CNTNAP3B: variants seen among roughly 807,000 people sequenced by gnomAD.
The protein encoded by CNTNAP3B is contactin associated protein family member 3B, also known as contactin-associated protein-like 3B.
Under a neutral mutation model 108.9 loss-of-function variants are expected in CNTNAP3B, and 25 were observed. That is an observed-to-expected ratio of 0.23 (90% CI 0.17 to 0.32). The LOEUF is 0.32. CNTNAP3B is among the 10% of genes least tolerant of loss of function. The pLI is 1.00. For synonymous variants in CNTNAP3B, 103 were observed against 473.4 expected (o/e 0.22, Z 10.16); for missense variants, 252 against 1,210.4 (o/e 0.21, Z 11.75).
intron 1 of CNTNAP3B, among the ~76,000 whole-genome samples, chr9:42,123,634 C>G (rs560452638): frequency 0.011 from 1,472 of 134,578 alleles, 216 homozygotes; most frequent in Non-Finnish European, 0.017. Context: ...AAGTCCAAGC[C>G]TTCTAAAAGA....
intron 9 of CNTNAP3B, among the ~76,000 whole-genome samples, chr9:41,972,520 C>G (rs62556377): frequency 0.015 from 2,077 of 138,220 alleles, 335 homozygotes; most frequent in East Asian, 0.06. Flanking sequence ...ATAACTGAAG[C>G]TTTATCTCTT....
chr9:41,941,297 A>G (rs1456678612), intron 13 of CNTNAP3B, among the ~76,000 whole-genome samples: 1 of 147,866 alleles, frequency 6.8e-6, no homozygotes, highest in Non-Finnish European at 1.5e-5. Context: ...ACACAACGAG[A>G]AATTTATAAG....
intron 1 of CNTNAP3B, among the ~76,000 whole-genome samples, chr9:42,108,117 C>G (rs1283746557): frequency 3.6e-5 from 5 of 139,144 alleles, no homozygotes; most frequent in Non-Finnish European, 7.7e-5. Context: ...GAATTGTACA[C>G]TACTGAGTCA....
At chr9:42,103,182 A>T (rs1300675933) in intron 2 of CNTNAP3B, among the ~76,000 whole-genome samples, 3 of 137,032 alleles carry the variant, frequency 2.2e-5, no homozygotes, top group African/African-American at 6.1e-5. Context: ...AGTGATAATG[A>T]CCATCCACTG....
chr9:41,934,140 T>TATAC (rs1824076436), intron 14 of CNTNAP3B, among the ~76,000 whole-genome samples: 2 of 113,372 alleles, frequency 1.8e-5, no homozygotes, highest in Non-Finnish European at 3.8e-5. Context: ...CATATATATA[T>TATAC]ACACACACAT....
chr9:41,918,554 A>G (rs1588038145), intron 18 of CNTNAP3B, among the ~76,000 whole-genome samples: 1 of 143,984 alleles, frequency 6.9e-6, no homozygotes, highest in South Asian at 2.2e-4. Flanking sequence ...TTCCATTTCC[A>G]TAAAATATAA....
rs114403113 is a variant in CNTNAP3B at position 42,035,342 on chromosome 9, A to G, written c.391-21817T>C. ...TCCTATGATTCAATTTTCAGATCAG[A>G]TGCCACCTTTCAATATGGCCTGCTC... On this transcript the variant is annotated intron_variant, in intron 3 of 23. Transcript: ENST00000377561. Among the ~76,000 whole-genome samples the G allele has an allele frequency of 8.2e-4, 120 of 146,602 alleles. 2 individuals are homozygous for G. The highest frequency in any genetic ancestry group is 2.9e-3 in the African/African-American group (113 of 38,802).
intron 1 of CNTNAP3B, among the ~76,000 whole-genome samples, chr9:42,116,779 T>C (rs1373504040): frequency 3.6e-5 from 5 of 138,680 alleles, no homozygotes; most frequent in East Asian, 2.2e-4. Flanking sequence ...CAGCAGACCC[T>C]GCTCACGTGC....
At position 42,069,725 on chromosome 9, in the gene CNTNAP3B, G is replaced by T. The variant is rs984125759; in HGVS notation, c.390+7144C>A. On this transcript the variant is annotated intron_variant, in intron 3 of 23. Transcript: ENST00000377561. ...TTCTTCTTTTTTCTCTACACTTTGC[G>T]TTTCAGATGGATTTTATATCTATAC... Among the ~76,000 whole-genome samples the T allele has an allele frequency of 1.4e-3, 182 of 128,810 alleles. 2 individuals are homozygous for T. The highest frequency in any genetic ancestry group is 5.3e-3 in the African/African-American group (167 of 31,218). 84.5% of individuals were successfully genotyped at this position (128,810 alleles called of 152,430 possible).
At chr9:41,959,819 T>G (rs1209260734) in intron 12 of CNTNAP3B, among the ~76,000 whole-genome samples, 1 of 152,308 alleles carries the variant, frequency 6.6e-6, no homozygotes, top group Non-Finnish European at 1.5e-5. Context: ...TTGTCCAAAT[T>G]TATGAAACTT....
At chr9:42,074,175 G>GT (rs1221202710) in intron 3 of CNTNAP3B, among the ~76,000 whole-genome samples, 4 of 77,728 alleles carry the variant, frequency 5.1e-5, no homozygotes, top group African/African-American at 1.6e-4. Flanking sequence ...AAAAGTAAAA[G>GT]TTTTTTTTAA....
chr9:41,968,922 G>C (rs1350551104), intron 10 of CNTNAP3B, among the ~76,000 whole-genome samples: 4 of 151,962 alleles, frequency 2.6e-5, no homozygotes, highest in Admixed American at 6.6e-5. Context: ...TCAGCCTGCC[G>C]AGTAGCTGGA....
chr9:41,921,829 T>C (rs1428606219), intron 17 of CNTNAP3B, among the ~76,000 whole-genome samples: 2 of 149,980 alleles, frequency 1.3e-5, no homozygotes, highest in African/African-American at 2.5e-5. Context: ...GGGAGTGGGC[T>C]CCTGGAAGCC....
intron 3 of CNTNAP3B, among the ~76,000 whole-genome samples, chr9:42,020,497 T>C (rs1402021634): frequency 6.9e-6 from 1 of 144,082 alleles, no homozygotes; most frequent in South Asian, 2.2e-4. Context: ...TAATTATAAA[T>C]CTTTGTGCTT....
At chr9:41,931,574 T>G in intron 14 of CNTNAP3B, among the ~76,000 whole-genome samples, 1 of 151,640 alleles carries the variant, frequency 6.6e-6, no homozygotes, top group South Asian at 2.1e-4. Context: ...AGCTTATTTC[T>G]AAAATTCAGA....
intron 3 of CNTNAP3B, among the ~76,000 whole-genome samples, chr9:42,037,493 C>A (rs1826657086): frequency 1.5e-5 from 2 of 129,108 alleles, no homozygotes; most frequent in South Asian, 5.1e-4. Context: ...GTACGAGCTT[C>A]AGTAGCTGAT....
intron 11 of CNTNAP3B, among the ~76,000 whole-genome samples, chr9:41,961,842 T>C (rs1825101451): frequency 6.6e-6 from 1 of 152,302 alleles, no homozygotes; most frequent in African/African-American, 2.4e-5. Context: ...CAAGTAAATG[T>C]TTTACCAAGT....
chr9:42,119,959 G>T (rs1169703921), intron 1 of CNTNAP3B, among the ~76,000 whole-genome samples: 1 of 141,236 alleles, frequency 7.1e-6, no homozygotes, highest in Non-Finnish European at 1.5e-5. Context: ...GGCAACAAAA[G>T]CCAAAATTGA....
intron 9 of CNTNAP3B, among the ~76,000 whole-genome samples, chr9:41,977,397 T>A (rs1206859794): frequency 7.1e-6 from 1 of 141,554 alleles, no homozygotes; most frequent in Non-Finnish European, 1.5e-5. Context: ...CTTATTTGTT[T>A]TTTGTTATAA....
Sources: gnomAD v4.1 joint callset for allele counts (sites outside exome capture counted in the v4.1 genomes callset) on GRCh38, gnomAD v4.1.1 for gene constraint, MANE v1.5 for transcripts, NCBI Gene and HGNC (gene_info 2026-07-23, HGNC 2026-07-21) for gene names.